Variants in MYO7B observed in about 807,000 individuals in gnomAD.
The protein encoded by MYO7B is myosin VIIB.
A neutral mutation model predicts 259.7 loss-of-function variants in MYO7B; 212 were observed. The observed-to-expected ratio is 0.82, with a 90% CI of 0.73 to 0.91. MYO7B has a LOEUF of 0.91. MYO7B is among the 40% of genes least tolerant of loss of function. The pLI, the probability that MYO7B is intolerant of heterozygous loss-of-function variation, is 0.00. For synonymous variants in MYO7B, 1,197 were observed against 1,166.4 expected (o/e 1.03, Z -0.54); for missense variants, 2,732 against 2,813.5 (o/e 0.97, Z 0.66).
chr2:127,597,840 G>A lies in MYO7B; in HGVS notation c.2339+1284G>A, dbSNP rs557173879. Among the ~76,000 whole-genome samples the A allele has an allele frequency of 1.8e-4, 28 of 152,076 alleles. No homozygotes were observed. Among genetic ancestry groups the A allele is most frequent in the African/African-American group, 6.5e-4 (27 of 41,472 alleles). On this transcript the variant is annotated intron_variant, in intron 19 of 47. Coordinates refer to ENST00000409816, the MANE Select transcript of MYO7B (RefSeq NM_001393586.1). This position sits in a 1 kb window ranked among gnomAD's most constrained non-coding sequence, Gnocchi z 4.8. ...TTTTGTAGAGATGGGGTTTCGCCAT[G>A]TTACCCAAACTGGTCTCAAACTCCT...
rs1573634009 is a variant in MYO7B, at chr2:127,569,778, C to A, written c.471-11C>A. 2.5e-6 allele frequency: 4 copies of A among 1,607,478 alleles called. No homozygotes were observed. The highest frequency in any genetic ancestry group is 1.1e-5 in the South Asian group (1 of 90,490). On this transcript the variant is annotated splice_polypyrimidine_tract_variant and intron_variant, in intron 5 of 47. Transcript: ENST00000409816. ...TTTGTGGCATCATGTCCCTGCACAC[C>A]CTTTTTGCAGCGGCGAGTCTGGGGC... is the stretch of plus-strand genomic sequence containing the variant.
chr2:127,540,606 T>C (rs1044365505), intron 1 of MYO7B, among the ~76,000 whole-genome samples: 1 of 152,218 alleles, frequency 6.6e-6, no homozygotes, highest in Non-Finnish European at 1.5e-5. Context: ...AAAGTGTTCC[T>C]CAAGGGCTTT....
chr2:127,538,943 A>G (rs1171772774), intron 1 of MYO7B, among the ~76,000 whole-genome samples: 2 of 152,174 alleles, frequency 1.3e-5, no homozygotes, highest in Non-Finnish European at 2.9e-5. Flanking sequence ...TCCCTCTTCT[A>G]TCAAATGGAG....
Position 127,632,262 on chromosome 2 carries a change from G to A in MYO7B, c.5266G>A (p.Gly1756Ser), listed in dbSNP as rs918294781. The A allele has an allele frequency of 6.2e-7, 1 of 1,611,984 alleles. No individual in the cohort carries two copies. Residue 1756 changes from glycine (G) to serine (S), a missense_variant, in exon 39 of 48, where the codon GGC becomes AGC. Coordinates refer to ENST00000409816, the MANE Select transcript of MYO7B (RefSeq NM_001393586.1). ...HNSNRHSEERGWQLLWLCTGL... is the reference protein window; with the variant it reads ...HNSNRHSEERSWQLLWLCTGL... The stretch of plus-strand genomic sequence containing the variant: ...ACCCTTCAGGCACAGCGAAGAGCGG[G>A]GCTGGCAGCTGCTGTGGCTGTGCAC...
At chr2:127,589,538 C>T (rs992768546) in intron 15 of MYO7B, among the ~76,000 whole-genome samples, 4 of 108,302 alleles carry the variant, frequency 3.7e-5, no homozygotes, top group African/African-American at 7.2e-5. Flanking sequence ...CTTAGTGGGG[C>T]CATGGGTGGA....
chr2:127,576,848 C>A lies in MYO7B; in HGVS notation c.849+140C>A. On this transcript the variant is annotated intron_variant, in intron 8 of 47. Coordinates refer to ENST00000409816, the MANE Select transcript of MYO7B (RefSeq NM_001393586.1). The surrounding 1 kb of genome is among the most constrained non-coding windows in gnomAD (Gnocchi z 4.9). The stretch of plus-strand genomic sequence containing the variant: ...GGCGGGGCTGGTTCCCTTTGCCTCT[C>A]CTCGCCAGCCCCTCTCTGCTGGGAA... 1 of 577,508 alleles carries A rather than the reference C, an allele frequency of 1.7e-6. No homozygotes were observed. The highest frequency in any genetic ancestry group is 3.0e-6 in the Non-Finnish European group (1 of 328,820). 35.8% of individuals were successfully genotyped at this position (577,508 alleles called of 1,614,324 possible). A position where few individuals can be genotyped will look rare whatever the true frequency, so the allele number is the denominator to read the frequency against.
At chr2:127,545,584 T>C (rs1463979642) in intron 1 of MYO7B, among the ~76,000 whole-genome samples, 1 of 152,202 alleles carries the variant, frequency 6.6e-6, no homozygotes, top group Non-Finnish European at 1.5e-5. Flanking sequence ...CTGGGAGCAG[T>C]TCCCCTTTCT....
chr2:127,595,579 C>T (rs1177046345), intron 18 of MYO7B, among the ~76,000 whole-genome samples: 1 of 152,164 alleles, frequency 6.6e-6, no homozygotes, highest in East Asian at 1.9e-4. Flanking sequence ...AATTTGAGAT[C>T]TTTCTAGCTT....
chr2:127,614,046 A>G lies in MYO7B; in HGVS notation c.3398+1443A>G, dbSNP rs1435681666. 6.6e-6 allele frequency among the ~76,000 whole-genome samples: 1 copy of G among 152,202 alleles called. No individual in the cohort carries two copies. The highest frequency in any genetic ancestry group is 6.5e-5 in the Admixed American group (1 of 15,276). On this transcript the variant is annotated intron_variant, in intron 26 of 47. Transcript: ENST00000409816. The surrounding 1 kb of genome is among the most constrained non-coding windows in gnomAD (Gnocchi z 4.6). ...AAGTTTTAGCTGCCTGCATGACACTAGCTGGGCAAGTCTTCTGACTTAGCT... is the reference window on the plus strand; with the variant it reads ...AAGTTTTAGCTGCCTGCATGACACTGGCTGGGCAAGTCTTCTGACTTAGCT...
chr2:127,585,156 G>A lies in MYO7B; in HGVS notation c.1690+243G>A, dbSNP rs139989245. Among the ~76,000 whole-genome samples the A allele has an allele frequency of 1.6e-3, 247 of 152,192 alleles. No individual in the cohort carries two copies. The highest frequency in any genetic ancestry group is 5.4e-3 in the East Asian group (28 of 5,186). On this transcript the variant is annotated intron_variant, in intron 14 of 47. Coordinates refer to ENST00000409816, the MANE Select transcript of MYO7B (RefSeq NM_001393586.1). The surrounding 1 kb of genome is among the most constrained non-coding windows in gnomAD (Gnocchi z 4.3). ...TGTTATTTACCTATTTTAAGTGTACGACTTGACTGTAATATATTCAGAGTA... is the reference window on the plus strand; with the variant it reads ...TGTTATTTACCTATTTTAAGTGTACAACTTGACTGTAATATATTCAGAGTA...
Position 127,619,193 on chromosome 2 carries a change from G to C in MYO7B, c.3399-1147G>C, listed in dbSNP as rs1680716702. 2.8e-5 allele frequency among the ~76,000 whole-genome samples: 4 copies of C among 144,924 alleles called. No individual in the cohort carries two copies. In the South Asian group the frequency reaches 9.1e-4, roughly 33 times the overall value. ...GTGGCTGGTTGGGTTGTGGTGGCCA[G>C]CTGGATGGTGGTGGCTGGCTGGGTG... On this transcript the variant is annotated intron_variant, in intron 26 of 47. Transcript: ENST00000409816.
In MYO7B at chr2:127,636,615, A is replaced by G. The variant is rs1558858360; in HGVS notation, c.6194A>G (p.His2065Arg). ...AACCGACATGGGGTTCTGCTCATCC[A>G]CCCCAAGACCAAGGTAGCTGCTGGG... The part of the protein sequence containing the change: ...AINRHGVLLI[H>R]PKTKDLLTTY... Residue 2065 changes from histidine (H) to arginine (R), a missense_variant, in exon 46 of 48, where the codon CAC (histidine) becomes CGC (arginine). His to Arg is a conservative substitution (Grantham distance 29, BLOSUM62 0). Transcript: ENST00000409816. The surrounding 1 kb of genome is among the most constrained non-coding windows in gnomAD (Gnocchi z 4.5). 6.2e-7 allele frequency: 1 copy of G among 1,611,554 alleles called. No homozygotes were observed. The highest frequency in any genetic ancestry group is 8.5e-7 in the Non-Finnish European group (1 of 1,178,976).
At chr2:127,547,841 A>G (rs1693294893) in intron 1 of MYO7B, among the ~76,000 whole-genome samples, 1 of 152,156 alleles carries the variant, frequency 6.6e-6, no homozygotes. Context: ...TCATAGAACG[A>G]GTTAGAAAGT....
chr2:127,580,199 G>T (rs1026631405), intron 9 of MYO7B, among the ~76,000 whole-genome samples: 7 of 152,160 alleles, frequency 4.6e-5, no homozygotes, highest in African/African-American at 1.4e-4. Context: ...ACACCCAAAG[G>T]TCCCGTCCCC....
At chr2:127,595,566 G>A (rs183680633) in intron 18 of MYO7B, among the ~76,000 whole-genome samples, 23 of 152,232 alleles carry the variant, frequency 1.5e-4, no homozygotes, top group African/African-American at 4.3e-4. Flanking sequence ...ATGTCAGGGC[G>A]TCAATTTGAG....
At position 127,574,080 on chromosome 2, in the gene MYO7B, C is replaced by T; in HGVS notation, c.735+18C>T. The T allele has an allele frequency of 6.2e-7, 1 of 1,613,644 alleles. No individual in the cohort carries two copies. Among genetic ancestry groups the T allele is most frequent in the Admixed American group, 1.7e-5 (1 of 60,024 alleles). ...GCCGGCAGGTGAGGCCTCCCCCTTC[C>T]CAGGTCGGGAGTTGAGGGAATGGGG... On this transcript the variant is annotated intron_variant, in intron 7 of 47. Coordinates refer to ENST00000409816, the MANE Select transcript of MYO7B (RefSeq NM_001393586.1).
intron 20 of MYO7B, among the ~76,000 whole-genome samples, chr2:127,606,783 T>C (rs773535749): frequency 2.6e-5 from 4 of 152,214 alleles, no homozygotes; most frequent in Non-Finnish European, 5.9e-5. Context: ...ACTTTAAAGA[T>C]GCCCTCAGGG....
rs1681703550 is a variant in MYO7B at position 127,634,699 on chromosome 2, T to A, written c.5713+16T>A. ...CAGAAAGAAGGTGAGGAGGCCTCTGTGGAGCTGGGGGAGGGCGTGGCTGGG... is the reference window on the plus strand; with the variant it reads ...CAGAAAGAAGGTGAGGAGGCCTCTGAGGAGCTGGGGGAGGGCGTGGCTGGG... On this transcript the variant is annotated intron_variant, in intron 42 of 47. Coordinates refer to ENST00000409816, the MANE Select transcript of MYO7B (RefSeq NM_001393586.1). 1 of 1,598,570 alleles carries A rather than the reference T, an allele frequency of 6.3e-7. No individual in the cohort carries two copies. Among genetic ancestry groups the A allele is most frequent in the Non-Finnish European group, 8.5e-7 (1 of 1,173,728 alleles).
Position 127,620,090 on chromosome 2 carries a change from G to T in MYO7B, c.3399-250G>T, listed in dbSNP as rs1012026798. On this transcript the variant is annotated intron_variant, in intron 26 of 47. Transcript: ENST00000409816. ...GGACAGGGCTGTGGCTGGAGAACCT[G>T]CTGCTTCCTGAAGCCGAGCCCCACC... 1.5e-4 allele frequency: 49 copies of T among 335,260 alleles called. 1 individual carries two copies. In the East Asian group the frequency reaches 2.2e-3, roughly 15 times the overall value. 20.8% of individuals were successfully genotyped at this position (335,260 alleles called of 1,614,324 possible).
Sources: gnomAD v4.1 joint callset for allele counts (sites outside exome capture counted in the v4.1 genomes callset) on GRCh38, gnomAD v4.1.1 for gene constraint, Gnocchi (gnomAD v3.1) non-coding constraint, MANE v1.5 for transcripts, NCBI Gene and HGNC (gene_info 2026-07-23, HGNC 2026-07-21) for gene names.